Variants in SYNPO2 observed in about 807,000 individuals in gnomAD.
The protein encoded by SYNPO2 is synaptopodin-2.
Under a neutral mutation model 85.0 loss-of-function variants are expected in SYNPO2, and 56 were observed. The observed-to-expected ratio is 0.66, with a 90% CI of 0.53 to 0.82. The LOEUF is 0.82. Ranked by LOEUF, SYNPO2 falls within the 40% of genes least tolerant of loss-of-function variation. The pLI, the probability that SYNPO2 is intolerant of heterozygous loss-of-function variation, is 0.00. For synonymous variants in SYNPO2, 602 were observed against 591.1 expected, an observed-to-expected ratio of 1.02 and a Z score of -0.27; for missense variants, 1,575 against 1,534.2, an observed-to-expected ratio of 1.03 and a Z score of -0.44.
Position 118,888,921 on chromosome 4 carries a change from G to GC in SYNPO2, c.-115dup. The GC allele has an allele frequency of 9.7e-7, 1 of 1,035,562 alleles. No individual in the cohort carries two copies. The highest frequency in any genetic ancestry group is 1.5e-6 in the Non-Finnish European group (1 of 675,724). 64.1% of individuals were successfully genotyped at this position (1,035,562 alleles called of 1,614,324 possible). Reference sequence around the variant, plus strand: ...CGGCTGCAGCAGCGGCGGACGCTCTGCATTACCCAGTCTTGCGTCCTCGGC... The same window carrying GC: ...CGGCTGCAGCAGCGGCGGACGCTCTGCCATTACCCAGTCTTGCGTCCTCGGC... On this transcript the variant is annotated 5_prime_UTR_variant, in exon 1 of 5. Transcript: ENST00000307142.
Position 119,058,057 on chromosome 4 carries a change from T to C in SYNPO2, c.*123T>C, listed in dbSNP as rs1389896993. The C allele has an allele frequency of 2.5e-5, 26 of 1,040,256 alleles. No individual in the cohort carries two copies. The highest frequency in any genetic ancestry group is 3.3e-5 in the Non-Finnish European group (24 of 731,872). 64.4% of individuals were successfully genotyped at this position (1,040,256 alleles called of 1,614,324 possible). ...GGTCTTGGCTTGTTCTCATAAGTCATTTATCTAAGTTTGTGTTTCTGTGTG... is the reference window on the plus strand; with the variant it reads ...GGTCTTGGCTTGTTCTCATAAGTCACTTATCTAAGTTTGTGTTTCTGTGTG... On this transcript the variant is annotated 3_prime_UTR_variant, in exon 5 of 5. Transcript: ENST00000307142.
At chr4:119,006,632 T>C (rs1165385778) in intron 1 of SYNPO2, among the ~76,000 whole-genome samples, 2 of 152,232 alleles carry the variant, frequency 1.3e-5, no homozygotes, top group Admixed American at 6.5e-5. Flanking sequence ...TAAGCCTCAC[T>C]AATAATTGTA....
intron 1 of SYNPO2, among the ~76,000 whole-genome samples, chr4:118,986,524 T>C (rs895619426): frequency 1.3e-4 from 20 of 152,226 alleles, no homozygotes; most frequent in Admixed American, 1.2e-3. Context: ...TTCATCTCAA[T>C]TGGCATTGGT....
intron 1 of SYNPO2, among the ~76,000 whole-genome samples, chr4:118,911,396 T>C (rs1733131431): frequency 6.6e-6 from 1 of 152,210 alleles, no homozygotes; most frequent in Non-Finnish European, 1.5e-5. Context: ...AAACTCCAGA[T>C]GTACGTCTGA....
chr4:118,864,233 T>C lies in SYNPO2; in HGVS notation c.12+13293T>C, dbSNP rs569740749. Among the ~76,000 whole-genome samples, 3 of 152,330 alleles carry C rather than the reference T, an allele frequency of 2.0e-5. No homozygotes were observed. The South Asian group carries it at 6.2e-4, about 32-fold the overall frequency. The stretch of plus-strand genomic sequence containing the variant: ...GGCCCACCAATTTTTCAGGAGAGCA[T>C]TGTTTAATTTCCATGTGTTTGTACA... On this transcript the variant is annotated intron_variant, in intron 1 of 4. Coordinates refer to the SYNPO2 transcript ENST00000610556.
At chr4:119,029,696 G>C (rs1412094910) in intron 3 of SYNPO2, 149 bp from the exon 4 acceptor site, 1 of 724,428 alleles carries the variant, frequency 1.4e-6, no homozygotes, top group Non-Finnish European at 2.1e-6. Context: ...ATAAGAAAAA[G>C]AAATGTGTTG....
chr4:119,040,244 T>A (rs1458455658), intron 4 of SYNPO2, among the ~76,000 whole-genome samples: 4 of 152,202 alleles, frequency 2.6e-5, no homozygotes, highest in Non-Finnish European at 5.9e-5. Context: ...ATTAAACAAG[T>A]TCTTTTGTGT....
At chr4:118,949,587 A>T (rs1167116367) in intron 1 of SYNPO2, among the ~76,000 whole-genome samples, 1 of 151,744 alleles carries the variant, frequency 6.6e-6, no homozygotes, top group Admixed American at 6.6e-5. Flanking sequence ...CTAAAAAAAA[A>T]AAAAAACAAA....
At chr4:119,008,157 T>C (rs1737150680) in intron 1 of SYNPO2, among the ~76,000 whole-genome samples, 1 of 152,230 alleles carries the variant, frequency 6.6e-6, no homozygotes, top group Non-Finnish European at 1.5e-5. Context: ...AGGTGCTTAA[T>C]ACTTACTTGT....
intron 1 of SYNPO2, among the ~76,000 whole-genome samples, chr4:118,977,263 T>C (rs371803319): frequency 1.9e-3 from 284 of 152,328 alleles, no homozygotes; most frequent in East Asian, 7.5e-3. Flanking sequence ...GCTGGGGGAC[T>C]CAGTACACCC....
At chr4:118,979,642 T>C (rs1280224835) in intron 1 of SYNPO2, among the ~76,000 whole-genome samples, 1 of 152,226 alleles carries the variant, frequency 6.6e-6, no homozygotes, top group Non-Finnish European at 1.5e-5. Flanking sequence ...GTTCACTGGT[T>C]GGATATCCTT....
rs1737978744 is a variant in SYNPO2 at position 119,026,925 on chromosome 4, G to C, written c.556G>C (p.Glu186Gln). ...CGTGGCAGAAGAGCTGATCTTAAGGGAGAAGGTAGAAGCGGTACAGCCTGG... is the reference window on the plus strand; with the variant it reads ...CGTGGCAGAAGAGCTGATCTTAAGGCAGAAGGTAGAAGCGGTACAGCCTGG... ...GRVAEELILR[E>Q]KVEAVQPGPV... The change falls in exon 3 of 5, where the codon GAG becomes CAG. Residue 186 changes from glutamate to glutamine, a missense_variant. Coordinates refer to ENST00000307142, the MANE Select transcript of SYNPO2 (RefSeq NM_133477.3). 1.2e-6 allele frequency: 2 copies of C among 1,614,170 alleles called. No homozygotes were observed. The highest frequency in any genetic ancestry group is 4.5e-5 in the East Asian group (2 of 44,870).
chr4:119,050,526 T>A (rs1739002399), intron 4 of SYNPO2, among the ~76,000 whole-genome samples: 1 of 152,136 alleles, frequency 6.6e-6, no homozygotes. Flanking sequence ...ATAATAATAG[T>A]GCCTCTACTT....
chr4:118,937,292 G>T (rs530777382), intron 1 of SYNPO2, among the ~76,000 whole-genome samples: 56 of 151,872 alleles, frequency 3.7e-4, no homozygotes, highest in Admixed American at 5.9e-4. Flanking sequence ...TCCATTACTA[G>T]AACAAACTCT....
Position 119,032,292 on chromosome 4 carries a change from G to T in SYNPO2, c.3252+265G>T. 2.9e-6 allele frequency: 4 copies of T among 1,371,974 alleles called. 1 individual carries two copies. Among genetic ancestry groups the T allele is most frequent in the Non-Finnish European group, 3.8e-6 (4 of 1,063,180 alleles). 85.0% of individuals were successfully genotyped at this position (1,371,974 alleles called of 1,614,324 possible). A position where few individuals can be genotyped will look rare whatever the true frequency, so the allele number is the denominator to read the frequency against. On this transcript the variant is annotated intron_variant, in intron 4 of 4. Coordinates refer to ENST00000307142, the MANE Select transcript of SYNPO2 (RefSeq NM_133477.3). ...AAAAATCCAGGAGCACCCCAAAATA[G>T]ACATGTACCGTTATATTAAGTAAGC...
intron 1 of SYNPO2, among the ~76,000 whole-genome samples, chr4:118,959,326 G>C (rs1202616640): frequency 6.6e-6 from 1 of 152,190 alleles, no homozygotes; most frequent in African/African-American, 2.4e-5. Flanking sequence ...TTGCTAAATA[G>C]GTTTCAAATG....
intron 1 of SYNPO2, among the ~76,000 whole-genome samples, chr4:118,876,011 A>G (rs1731899366): frequency 6.6e-6 from 1 of 152,196 alleles, no homozygotes; most frequent in Non-Finnish European, 1.5e-5. Context: ...CAGTACCATG[A>G]GAAGGGGAAG....
chr4:119,049,007 CA>C (rs1316175729), intron 4 of SYNPO2, among the ~76,000 whole-genome samples: 1 of 152,110 alleles, frequency 6.6e-6, no homozygotes, highest in Non-Finnish European at 1.5e-5. Flanking sequence ...CTAGGGAAAT[CA>C]ATTAGGAGAC....
chr4:118,987,149 A>C (rs1177025792), intron 1 of SYNPO2, among the ~76,000 whole-genome samples: 1 of 152,188 alleles, frequency 6.6e-6, no homozygotes, highest in Non-Finnish European at 1.5e-5. Flanking sequence ...ATGTTAATTG[A>C]CTCCTCAAAT....
Sources: allele counts gnomAD v4.1 joint callset (sites outside exome capture counted in the v4.1 genomes callset), GRCh38; gene constraint gnomAD v4.1.1; transcripts MANE v1.5; gene names NCBI Gene and HGNC (gene_info 2026-07-23, HGNC 2026-07-21).